The following HS6ST3 variants were observed in gnomAD, a reference collection of about 807,000 sequenced individuals.
The protein encoded by HS6ST3 is heparan-sulfate 6-O-sulfotransferase 3.
A neutral mutation model predicts 36.7 loss-of-function variants in HS6ST3; 12 were observed. That is an observed-to-expected ratio of 0.33 (90% CI 0.21 to 0.53). HS6ST3 has a LOEUF of 0.53. HS6ST3 is among the 20% of genes least tolerant of loss of function. The pLI, the probability that HS6ST3 is intolerant of heterozygous loss-of-function variation, is 0.95. For synonymous variants in HS6ST3, 240 were observed against 257.5 expected (o/e 0.93, Z 0.65); for missense variants, 584 against 640.9 (o/e 0.91, Z 0.96).
intron 1 of HS6ST3, among the ~76,000 whole-genome samples, chr13:96,126,407 G>C (rs948139458): frequency 1.3e-5 from 2 of 152,206 alleles, no homozygotes; most frequent in South Asian, 4.1e-4. Context: ...GGTGCAACTA[G>C]CTGGGGCTGG....
rs1555324255 is a variant in HS6ST3, at chr13:96,779,785, AAC to A, written c.708-52703_708-52702del. Among the ~76,000 whole-genome samples, 140 of 151,574 alleles carry A rather than the reference AAC, an allele frequency of 9.2e-4. 1 individual carries two copies. Among genetic ancestry groups the A allele is most frequent in the Admixed American group, 3.4e-3 (51 of 15,082 alleles). ...ATATTTACTTAAAAAAAAAAAAAAA[AAC>A]ATTGTTCTTATTTATAATGCTTATA... On this transcript the variant is annotated intron_variant, in intron 1 of 1. Transcript: ENST00000376705.
chr13:96,372,376 A>G (rs1348535199), intron 1 of HS6ST3, among the ~76,000 whole-genome samples: 1 of 152,120 alleles, frequency 6.6e-6, no homozygotes, highest in East Asian at 1.9e-4. Context: ...TATTTTGGAT[A>G]CTAATTCCTT....
At chr13:96,555,753 C>T (rs955843524) in intron 1 of HS6ST3, among the ~76,000 whole-genome samples, 4 of 151,748 alleles carry the variant, frequency 2.6e-5, no homozygotes, top group Non-Finnish European at 5.9e-5. Context: ...AATTTGTAGA[C>T]GTGTCCAAAA....
At chr13:96,669,277 G>C (rs1469753813) in intron 1 of HS6ST3, among the ~76,000 whole-genome samples, 1 of 152,158 alleles carries the variant, frequency 6.6e-6, no homozygotes, top group Non-Finnish European at 1.5e-5. Context: ...GCACTGTGTT[G>C]CCAGAGAGTG....
intron 1 of HS6ST3, among the ~76,000 whole-genome samples, chr13:96,362,446 A>G (rs2055243037): frequency 6.6e-6 from 1 of 152,158 alleles, no homozygotes; most frequent in Non-Finnish European, 1.5e-5. Context: ...AAACACGTAC[A>G]ATCTTATCTC....
intron 1 of HS6ST3, among the ~76,000 whole-genome samples, chr13:96,689,606 C>CTTTTTTTTTTTTTTTTTT (rs34000071): frequency 4.1e-4 from 41 of 101,152 alleles, no homozygotes; most frequent in Admixed American, 4.9e-4. Flanking sequence ...TTCTTTCTTT[C>CTTTTTTTTTTTTTTTTTT]TTTTTTTTTT....
chr13:96,203,597 A>G (rs1002474314), intron 1 of HS6ST3, among the ~76,000 whole-genome samples: 11 of 152,174 alleles, frequency 7.2e-5, no homozygotes, highest in Middle Eastern at 3.2e-3. Flanking sequence ...CAACATTTCC[A>G]GTTTAGAGCC....
intron 1 of HS6ST3, among the ~76,000 whole-genome samples, chr13:96,801,536 G>T (rs550712835): frequency 1.1e-4 from 17 of 151,688 alleles, no homozygotes; most frequent in East Asian, 5.9e-4. Flanking sequence ...TTGTATTTTA[G>T]ATATTATCAC....
intron 1 of HS6ST3, among the ~76,000 whole-genome samples, chr13:96,826,869 C>T (rs1205787710): frequency 2.6e-5 from 4 of 152,174 alleles, no homozygotes; most frequent in Admixed American, 2.6e-4. Context: ...ATTGACTTAA[C>T]CTCATTCCCT....
At chr13:96,678,625 G>T (rs141964185) in intron 1 of HS6ST3, among the ~76,000 whole-genome samples, 102 of 152,050 alleles carry the variant, frequency 6.7e-4, no homozygotes, top group African/African-American at 2.2e-3. Context: ...AGTGAGCCAA[G>T]ATCGCACCAC....
intron 1 of HS6ST3, among the ~76,000 whole-genome samples, chr13:96,399,284 T>G (rs1594771633): frequency 1.3e-5 from 2 of 152,330 alleles, no homozygotes; most frequent in African/African-American, 4.8e-5. Context: ...TTTTTAATCA[T>G]GGCATGATGA....
At chr13:96,214,604 G>T (rs1043919099) in intron 1 of HS6ST3, among the ~76,000 whole-genome samples, 3 of 151,968 alleles carry the variant, frequency 2.0e-5, no homozygotes, top group African/African-American at 4.8e-5. Context: ...ATTTTTATGG[G>T]TACATAGTAG....
At chr13:96,324,759 C>A (rs1254030982) in intron 1 of HS6ST3, among the ~76,000 whole-genome samples, 1 of 152,112 alleles carries the variant, frequency 6.6e-6, no homozygotes, top group Non-Finnish European at 1.5e-5. Flanking sequence ...ATCTATAAGC[C>A]AAGTAATGCC....
chr13:96,439,390 C>T (rs79889140), intron 1 of HS6ST3, among the ~76,000 whole-genome samples: 3 of 152,166 alleles, frequency 2.0e-5, no homozygotes, highest in East Asian at 1.9e-4. Context: ...CCGTTTGTCA[C>T]GTAGAAATAA....
chr13:96,444,715 T>G (rs2055689834), intron 1 of HS6ST3, among the ~76,000 whole-genome samples: 1 of 152,222 alleles, frequency 6.6e-6, no homozygotes, highest in Non-Finnish European at 1.5e-5. Context: ...ATAAAAGGAC[T>G]TGAACATGAT....
intron 1 of HS6ST3, among the ~76,000 whole-genome samples, chr13:96,818,895 T>G (rs1453852519): frequency 6.6e-6 from 1 of 152,216 alleles, no homozygotes; most frequent in Non-Finnish European, 1.5e-5. Flanking sequence ...ACATCCATAT[T>G]GAATAAACTC....
chr13:96,415,344 A>G (rs2055527675), intron 1 of HS6ST3, among the ~76,000 whole-genome samples: 1 of 152,256 alleles, frequency 6.6e-6, no homozygotes, highest in Non-Finnish European at 1.5e-5. Context: ...TGCTGATGAA[A>G]GGGACACAGC....
intron 1 of HS6ST3, among the ~76,000 whole-genome samples, chr13:96,510,392 G>A (rs995080269): frequency 2.6e-5 from 4 of 152,024 alleles, no homozygotes; most frequent in Admixed American, 1.3e-4. Flanking sequence ...GCTCTGGCTA[G>A]GACTTCCAGA....
intron 1 of HS6ST3, among the ~76,000 whole-genome samples, chr13:96,734,465 A>G (rs1876233794): frequency 6.6e-6 from 1 of 152,256 alleles, no homozygotes; most frequent in Non-Finnish European, 1.5e-5. Flanking sequence ...CAGTTCTTAT[A>G]GATTAAAGTA....
Sources: allele counts gnomAD v4.1 joint callset (sites outside exome capture counted in the v4.1 genomes callset), GRCh38; gene constraint gnomAD v4.1.1; transcripts MANE v1.5; gene names NCBI Gene and HGNC (gene_info 2026-07-23, HGNC 2026-07-21).